RYR3: variants seen among roughly 807,000 people sequenced by gnomAD.
The protein encoded by RYR3 is brain ryanodine receptor-calcium release channel.
Under a neutral mutation model 584.3 loss-of-function variants are expected in RYR3, and 207 were observed. The ratio of observed to expected loss-of-function variants is 0.35; its 90% CI spans 0.32 to 0.40. RYR3 has a LOEUF of 0.40. Ranked by LOEUF, RYR3 falls within the 10% of genes least tolerant of loss-of-function variation. The pLI, the probability that RYR3 is intolerant of heterozygous loss-of-function variation, is 1.00. For synonymous variants in RYR3, 2,416 were observed against 2,248.5 expected, an observed-to-expected ratio of 1.07 and a Z score of -2.11; for missense variants, 5,616 against 6,089.2, an observed-to-expected ratio of 0.92 and a Z score of 2.59.
At chr15:33,620,494 A>G (rs1366900982) in intron 19 of RYR3, among the ~76,000 whole-genome samples, 1 of 152,216 alleles carries the variant, frequency 6.6e-6, no homozygotes, top group Non-Finnish European at 1.5e-5. Context: ...GAAAATATTT[A>G]GCATCCTCTG....
intron 15 of RYR3, among the ~76,000 whole-genome samples, chr15:33,585,154 A>G (rs1049755616): frequency 2.6e-5 from 4 of 152,090 alleles, no homozygotes; most frequent in Non-Finnish European, 4.4e-5. Context: ...TGTAGAAATG[A>G]CAGGTGCTTT....
intron 76 of RYR3, among the ~76,000 whole-genome samples, chr15:33,819,225 T>A (rs561914467): frequency 6.6e-6 from 1 of 152,356 alleles, no homozygotes; most frequent in East Asian, 1.9e-4. Context: ...ACTATAAACT[T>A]CATCTCTGAA....
intron 52 of RYR3, among the ~76,000 whole-genome samples, chr15:33,743,417 G>A (rs62012616): frequency 0.18 from 26,645 of 152,226 alleles, 2,719 homozygotes; most frequent in South Asian, 0.27. Context: ...CCACTTGGCC[G>A]TTGCGGCACA....
chr15:33,845,153 C>A (rs1424644831), intron 93 of RYR3, 91 bp downstream of exon 93: 2 of 1,386,392 alleles, frequency 1.4e-6, no homozygotes, highest in South Asian at 1.2e-5. Flanking sequence ...TAAGACTTTG[C>A]TAGCCGTAAA....
At chr15:33,852,378 A>G (rs1032040001) in intron 94 of RYR3, 1 of 152,184 alleles carries the variant, frequency 6.6e-6, no homozygotes, top group African/African-American at 2.4e-5. Flanking sequence ...GAGCTGGTAC[A>G]AGCTACAGAG....
chr15:33,396,897 G>A (rs1209076974), intron 1 of RYR3, among the ~76,000 whole-genome samples: 1 of 152,212 alleles, frequency 6.6e-6, no homozygotes, highest in African/African-American at 2.4e-5. Context: ...AAACCCAGAA[G>A]AGTAATGCTT....
At chr15:33,613,407 G>A (rs371622537) in intron 19 of RYR3, 32 bp downstream of exon 19, 168 of 1,559,818 alleles carry the variant, frequency 1.1e-4, no homozygotes, top group Non-Finnish European at 1.3e-4. Flanking sequence ...ATGGAGAGTA[G>A]CAGTTACCCC....
intron 2 of RYR3, among the ~76,000 whole-genome samples, chr15:33,491,035 T>TA (rs1395759549): frequency 6.6e-6 from 1 of 152,036 alleles, no homozygotes; most frequent in East Asian, 1.9e-4. Flanking sequence ...TAGCTTTTTT[T>TA]AAAAAAATAA....
intron 1 of RYR3, among the ~76,000 whole-genome samples, chr15:33,347,461 T>A (rs1972599962): frequency 6.6e-6 from 1 of 152,028 alleles, no homozygotes; most frequent in Admixed American, 6.5e-5. Context: ...TTTTTTTTTT[T>A]TTTGAGACGG....
chr15:33,679,547 A>G (rs944226097), intron 38 of RYR3, among the ~76,000 whole-genome samples: 2 of 152,186 alleles, frequency 1.3e-5, no homozygotes, highest in African/African-American at 2.4e-5. Flanking sequence ...AACCCTTTCA[A>G]GAGCTCCATG....
At chr15:33,318,353 C>G (rs990584678) in intron 1 of RYR3, among the ~76,000 whole-genome samples, 5 of 152,234 alleles carry the variant, frequency 3.3e-5, no homozygotes, top group African/African-American at 1.2e-4. Flanking sequence ...ATGTCTTTCT[C>G]CTTGGTCTGT....
At chr15:33,780,610 C>T (rs899244948) in intron 65 of RYR3, among the ~76,000 whole-genome samples, 1 of 152,216 alleles carries the variant, frequency 6.6e-6, no homozygotes, top group Non-Finnish European at 1.5e-5. Flanking sequence ...CCTAAGACCT[C>T]AGGGTCTCTT....
chr15:33,575,406 A>T (rs666342), intron 12 of RYR3, among the ~76,000 whole-genome samples: 124,126 of 152,146 alleles, frequency 0.82, 51,063 homozygotes, highest in Middle Eastern at 0.94. Flanking sequence ...TGCAAAAGAA[A>T]TGAAATCATA....
rs113926010 is a variant in RYR3 at position 33,567,315 on chromosome 15, A to G, written c.1268+516A>G. Among the ~76,000 whole-genome samples the G allele has an allele frequency of 1.3e-3, 201 of 152,294 alleles. 1 individual carries two copies. Among genetic ancestry groups the G allele is most frequent in the Non-Finnish European group, 1.7e-3 (118 of 68,018 alleles). On this transcript the variant is annotated intron_variant, in intron 12 of 103. Transcript: ENST00000634891. ...GATCATAATCCCTCCAGTCTAAATA[A>G]TGCTTCCAAAACAGAACTCTGTGAA...
In RYR3 at chr15:33,443,181, C is replaced by G. The variant is rs2046364326; in HGVS notation, c.52-30238C>G. Among the ~76,000 whole-genome samples, 3 of 151,584 alleles carry G rather than the reference C, an allele frequency of 2.0e-5. No homozygotes were observed. The South Asian group carries it at 6.2e-4, about 32-fold the overall frequency. On this transcript the variant is annotated intron_variant, in intron 1 of 103. Transcript: ENST00000634891. The stretch of plus-strand genomic sequence containing the variant: ...GGCTCAGGTGGGAGAATTCCTTGAA[C>G]TAGGGAGGAGGAGGTTGCAGTGAGC...
At chr15:33,435,201 C>A (rs1026321954) in intron 1 of RYR3, among the ~76,000 whole-genome samples, 4 of 152,156 alleles carry the variant, frequency 2.6e-5, no homozygotes, top group Non-Finnish European at 4.4e-5. Flanking sequence ...TTGTACAGAT[C>A]ATTTCATCAC....
In RYR3 at chr15:33,756,330, C is replaced by G. The variant is rs1227663975; in HGVS notation, c.8540C>G (p.Thr2847Ser). The change falls in exon 59 of 104, where the codon ACT becomes AGT. Residue 2847 changes from threonine (T) to serine (S), a missense_variant. Physicochemically the swap from Thr to Ser is moderately conservative, Grantham distance 58. Around this residue, in one of 9 missense-constraint regions of RYR3, gnomAD observed 1,280 missense variants for 1,426.2 expected, o/e 0.90. Transcript: ENST00000634891. ...HLEAIVSSGK[T>S]EKSPRDQEIK... ...GAAGCCATTGTCAGCAGTGGGAAAA[C>G]TGAAAAGTCTCCCCGTGACCAGGAG... is the stretch of plus-strand genomic sequence containing the variant. The G allele has an allele frequency of 1.3e-6, 2 of 1,581,406 alleles. No individual in the cohort carries two copies. Among genetic ancestry groups the G allele is most frequent in the African/African-American group, 2.7e-5 (2 of 74,406 alleles).
chr15:33,630,569 T>A (rs1314620721), intron 22 of RYR3, among the ~76,000 whole-genome samples: 1 of 152,200 alleles, frequency 6.6e-6, no homozygotes, highest in Non-Finnish European at 1.5e-5. Flanking sequence ...ATTTTAACTT[T>A]GTGGTTTTGT....
chr15:33,516,253 A>G (rs2053508616), intron 3 of RYR3, among the ~76,000 whole-genome samples: 1 of 152,102 alleles, frequency 6.6e-6, no homozygotes, highest in African/African-American at 2.4e-5. Flanking sequence ...TCTAGCATGA[A>G]ACAGAGGCAT....
Sources: allele counts gnomAD v4.1 joint callset (sites outside exome capture counted in the v4.1 genomes callset), GRCh38; gene constraint gnomAD v4.1.1; regional missense constraint gnomAD v4.1.1; transcripts MANE v1.5; gene names NCBI Gene and HGNC (gene_info 2026-07-23, HGNC 2026-07-21).